The following INPP4B variants were observed in gnomAD, a reference collection of about 807,000 sequenced individuals.
INPP4B encodes the protein inositol polyphosphate-4-phosphatase type II B.
In INPP4B, 55 loss-of-function variants were observed where a neutral mutation model predicts 122.5. The ratio of observed to expected loss-of-function variants is 0.45; its 90% CI spans 0.36 to 0.56. INPP4B has a LOEUF of 0.56. Ranked by LOEUF, INPP4B falls within the 20% of genes least tolerant of loss-of-function variation. INPP4B has a pLI of 0.00. For synonymous variants in INPP4B, 403 were observed against 388.7 expected (o/e 1.04, Z -0.43); for missense variants, 1,000 against 1,097.7 (o/e 0.91, Z 1.26).
chr4:142,245,549 T>G (rs1197949588), intron 11 of INPP4B, among the ~76,000 whole-genome samples: 1 of 152,030 alleles, frequency 6.6e-6, no homozygotes, highest in Non-Finnish European at 1.5e-5. Context: ...GAAATTTTCT[T>G]TTTTTGTTGT....
intron 2 of INPP4B, among the ~76,000 whole-genome samples, chr4:142,722,917 T>C (rs568888849): frequency 8.5e-5 from 13 of 152,266 alleles, no homozygotes; most frequent in African/African-American, 3.1e-4. Flanking sequence ...GTTGTTATTA[T>C]AGTAGGTATG....
At chr4:142,099,493 G>A (rs1000562160) in intron 23 of INPP4B, among the ~76,000 whole-genome samples, 191 of 152,202 alleles carry the variant, frequency 1.3e-3, no homozygotes, top group African/African-American at 4.3e-3. Flanking sequence ...AAAGTTATTG[G>A]AAGTAAATTT....
At chr4:142,616,947 G>A (rs1743832312) in intron 2 of INPP4B, among the ~76,000 whole-genome samples, 1 of 152,094 alleles carries the variant, frequency 6.6e-6, no homozygotes, top group Non-Finnish European at 1.5e-5. Flanking sequence ...AGGTGGGGAG[G>A]GTAGGAAGGG....
rs148137713 is a variant in INPP4B at position 142,691,971 on chromosome 4, A to C, written c.-191+33868T>G. Among the ~76,000 whole-genome samples, 570 of 152,292 alleles carry C rather than the reference A, an allele frequency of 3.7e-3. 3 individuals carry two copies. The highest frequency in any genetic ancestry group is 3.5e-3 in the Non-Finnish European group (237 of 68,018). ...CCTTCTAATTTAAAAATCTATGAAGAATTACAGAATGTTCCCAAAACAGAA... is the reference window on the plus strand; with the variant it reads ...CCTTCTAATTTAAAAATCTATGAAGCATTACAGAATGTTCCCAAAACAGAA... On this transcript the variant is annotated intron_variant, in intron 2 of 25. Transcript: ENST00000262992.
At chr4:142,250,221 C>A (rs1339118567) in intron 11 of INPP4B, among the ~76,000 whole-genome samples, 1 of 152,188 alleles carries the variant, frequency 6.6e-6, no homozygotes, top group Non-Finnish European at 1.5e-5. Flanking sequence ...CATACACATT[C>A]AACTTGCAAG....
In INPP4B at chr4:142,239,370, C is replaced by T. The variant is rs956939065; in HGVS notation, c.689-1359G>A. Among the ~76,000 whole-genome samples, 7 of 152,218 alleles carry T rather than the reference C, an allele frequency of 4.6e-5. No homozygotes were observed. The East Asian group carries it at 9.6e-4, about 21-fold the overall frequency. The stretch of plus-strand genomic sequence containing the variant: ...CCAACAGAAGCCAGAAGAAAGTACA[C>T]TATTTCTAGCATGTTGAGAGAAAAT... On this transcript the variant is annotated intron_variant, in intron 11 of 25. Coordinates refer to ENST00000262992, the MANE Select transcript of INPP4B (RefSeq NM_001101669.3).
chr4:142,733,078 C>T (rs985623680), intron 1 of INPP4B, among the ~76,000 whole-genome samples: 2 of 152,026 alleles, frequency 1.3e-5, no homozygotes, highest in South Asian at 2.1e-4. Flanking sequence ...AGAGAAGGGG[C>T]AATTTCTTTA....
At chr4:142,226,243 TACAC>T (rs147387378) in intron 12 of INPP4B, among the ~76,000 whole-genome samples, 3 of 151,166 alleles carry the variant, frequency 2.0e-5, no homozygotes, top group African/African-American at 7.3e-5. Flanking sequence ...CACATATAAG[TACAC>T]ACACACACAC....
At chr4:142,630,803 G>A (rs1442815946) in intron 2 of INPP4B, among the ~76,000 whole-genome samples, 1 of 152,074 alleles carries the variant, frequency 6.6e-6, no homozygotes, top group Non-Finnish European at 1.5e-5. Context: ...CTATGCTGAG[G>A]TGGTAGGTAA....
chr4:142,585,085 G>T (rs1390241046), intron 2 of INPP4B, among the ~76,000 whole-genome samples: 1 of 152,114 alleles, frequency 6.6e-6, no homozygotes, highest in African/African-American at 2.4e-5. Flanking sequence ...GGAATGAAGG[G>T]ATGGGATTGC....
intron 2 of INPP4B, among the ~76,000 whole-genome samples, chr4:142,653,525 A>G (rs1753476370): frequency 6.6e-6 from 1 of 152,214 alleles, no homozygotes; most frequent in Non-Finnish European, 1.5e-5. Flanking sequence ...ACAAATTTAC[A>G]AGAAAAAAAC....
At chr4:142,629,942 C>T (rs977518258) in intron 2 of INPP4B, among the ~76,000 whole-genome samples, 4 of 152,038 alleles carry the variant, frequency 2.6e-5, no homozygotes, top group Middle Eastern at 3.2e-3. Flanking sequence ...ACTACAGAAA[C>T]TGAGTACAGT....
chr4:142,611,600 T>C (rs1742521182), intron 2 of INPP4B, among the ~76,000 whole-genome samples: 10 of 151,496 alleles, frequency 6.6e-5, no homozygotes, highest in Admixed American at 6.6e-4. Context: ...TTTCAAACAC[T>C]TAATTTTCCT....
intron 7 of INPP4B, among the ~76,000 whole-genome samples, chr4:142,359,238 C>A (rs1388237344): frequency 2.0e-5 from 3 of 149,676 alleles, no homozygotes; most frequent in East Asian, 2.0e-4. Flanking sequence ...AAAAAAAAAA[C>A]AGGCTCTGGA....
chr4:142,758,778 C>T (rs1392961854), intron 1 of INPP4B, among the ~76,000 whole-genome samples: 1 of 151,982 alleles, frequency 6.6e-6, no homozygotes, highest in East Asian at 1.9e-4. Flanking sequence ...CATGGTGAAA[C>T]CCCGTCTCTT....
intron 1 of INPP4B, among the ~76,000 whole-genome samples, chr4:142,770,492 G>T (rs145263322): frequency 6.6e-6 from 1 of 152,086 alleles, no homozygotes; most frequent in East Asian, 1.9e-4. Context: ...GGCACCAGGA[G>T]CATCAAATCT....
At chr4:142,458,345 T>C (rs1035800955) in intron 3 of INPP4B, among the ~76,000 whole-genome samples, 4 of 152,040 alleles carry the variant, frequency 2.6e-5, no homozygotes, top group African/African-American at 9.7e-5. Flanking sequence ...TGTGCCTTGA[T>C]TGTAGTGGTG....
At chr4:142,838,371 AAAG>A (rs1016855721) in intron 1 of INPP4B, among the ~76,000 whole-genome samples, 10 of 152,032 alleles carry the variant, frequency 6.6e-5, no homozygotes, top group African/African-American at 1.2e-4. Context: ...TAGGAAAAAA[AAAG>A]AAAGAAATCC....
chr4:142,563,084 C>T (rs923099953), intron 2 of INPP4B, among the ~76,000 whole-genome samples: 1 of 152,182 alleles, frequency 6.6e-6, no homozygotes, highest in Non-Finnish European at 1.5e-5. Flanking sequence ...AGTACCTCTG[C>T]TAGGCAGAAA....
Sources: allele counts gnomAD v4.1 joint callset (sites outside exome capture counted in the v4.1 genomes callset), GRCh38; gene constraint gnomAD v4.1.1; transcripts MANE v1.5; gene names NCBI Gene and HGNC (gene_info 2026-07-23, HGNC 2026-07-21).